The following RNASEH2B variants were observed in gnomAD, a reference collection of about 807,000 sequenced individuals.
The protein encoded by RNASEH2B is ribonuclease H2 subunit B.
A neutral mutation model predicts 45.0 loss-of-function variants in RNASEH2B; 36 were observed. The observed-to-expected ratio is 0.80, with a 90% CI of 0.61 to 1.06. RNASEH2B has a LOEUF of 1.06. Among genes scored for constraint, RNASEH2B ranks in the 50% least tolerant of loss-of-function variants. RNASEH2B has a pLI of 0.00. For synonymous variants in RNASEH2B, 119 were observed against 125.7 expected, an observed-to-expected ratio of 0.95 and a Z score of 0.35; for missense variants, 361 against 360.3, an observed-to-expected ratio of 1.00 and a Z score of -0.02.
downstream of RNASEH2B, chr13:50,960,050 G>A (rs1452257089): frequency 1.4e-5 from 6 of 434,462 alleles, no homozygotes; most frequent in African/African-American, 2.0e-5. Flanking sequence ...TTTCACTAAT[G>A]TTCGGTTCTT....
chr13:50,932,691 T>C (rs1254679366), intron 4 of RNASEH2B, among the ~76,000 whole-genome samples: 1 of 152,224 alleles, frequency 6.6e-6, no homozygotes, highest in Non-Finnish European at 1.5e-5. Flanking sequence ...TTTTAATTAA[T>C]AACTTTGAGT....
At chr13:50,963,814 A>G (rs1952137600) in intron 9 of RNASEH2B, among the ~76,000 whole-genome samples, 1 of 152,154 alleles carries the variant, frequency 6.6e-6, no homozygotes, top group Admixed American at 6.5e-5. Flanking sequence ...ACTTTCACCT[A>G]TCTTTCCACT....
intron 2 of RNASEH2B, 69 bp from the exon 3 acceptor site, chr13:50,929,404 CTT>C: frequency 1.1e-6 from 1 of 919,298 alleles, no homozygotes; most frequent in Non-Finnish European, 1.8e-6. Flanking sequence ...ACTGGATAGT[CTT>C]TTGGGGTGTG....
Position 50,910,120 on chromosome 13 carries a change from A to C in RNASEH2B, c.44A>C (p.Gln15Pro). 1 of 1,459,334 alleles carries C rather than the reference A, an allele frequency of 6.9e-7. No individual in the cohort carries two copies. Among genetic ancestry groups the C allele is most frequent in the Non-Finnish European group, 9.0e-7 (1 of 1,107,426 alleles). 90.4% of individuals were successfully genotyped at this position (1,459,334 alleles called of 1,614,324 possible). A position where few individuals can be genotyped will look rare whatever the true frequency, so the allele number is the denominator to read the frequency against. ...VDCGDGVGAR[Q>P]HVFLVSEYLK... ...TGCGGGGACGGGGTTGGCGCCCGGC[A>C]GCACGTGTTCCTGGTTTCAGGTAAA... Residue 15 changes from glutamine to proline, a missense_variant, in exon 1 of 11, where the codon CAG (glutamine) becomes CCG (proline). By Grantham distance (76) the Gln-to-Pro change is moderately conservative. Transcript: ENST00000336617.
At chr13:50,911,493 T>C (rs1188236745) in intron 1 of RNASEH2B, 7 of 152,246 alleles carry the variant, frequency 4.6e-5, no homozygotes, top group African/African-American at 1.7e-4. Flanking sequence ...TGGGCACTCA[T>C]ATCTCTAGGG....
rs546286876 is a variant in RNASEH2B, at chr13:50,917,742, G to T, written c.64+7602G>T. Among the ~76,000 whole-genome samples, 7 of 152,290 alleles carry T rather than the reference G, an allele frequency of 4.6e-5. No individual in the cohort carries two copies. The East Asian group carries it at 1.4e-3, about 29-fold the overall frequency. ...TGCATGTGCCAGAGGCCACTCTGCTGACTGAATAATGATGCCTCACCACTG... is the reference window on the plus strand; with the variant it reads ...TGCATGTGCCAGAGGCCACTCTGCTTACTGAATAATGATGCCTCACCACTG... On this transcript the variant is annotated intron_variant, in intron 1 of 10. Coordinates refer to ENST00000336617, the MANE Select transcript of RNASEH2B (RefSeq NM_024570.4).
chr13:50,965,206 A>G (rs1009878904), intron 9 of RNASEH2B, among the ~76,000 whole-genome samples: 1 of 152,258 alleles, frequency 6.6e-6, no homozygotes, highest in African/African-American at 2.4e-5. Flanking sequence ...TAGATATACA[A>G]GTACTTACTA....
intron 8 of RNASEH2B, 79 bp from the exon 9 acceptor site, chr13:50,949,384 A>G (rs1003036792): frequency 1.1e-5 from 14 of 1,258,606 alleles, no homozygotes; most frequent in Non-Finnish European, 1.6e-5. Context: ...GGACTTACTA[A>G]GTCTTAAGTT....
chr13:50,958,970 C>T (rs961799627), downstream of RNASEH2B, among the ~76,000 whole-genome samples: 1 of 152,074 alleles, frequency 6.6e-6, no homozygotes, highest in Admixed American at 6.6e-5. Flanking sequence ...AATGGTCTTG[C>T]ACTCTAACAA....
chr13:50,935,572 G>A, intron 5 of RNASEH2B: 1 of 157,026 alleles, frequency 6.4e-6, no homozygotes, highest in Non-Finnish European at 1.4e-5. Flanking sequence ...GTTGGGTGGG[G>A]AATGTAGGTG....
chr13:50,958,300 T>G (rs1952076237), downstream of RNASEH2B, among the ~76,000 whole-genome samples: 1 of 152,364 alleles, frequency 6.6e-6, no homozygotes, highest in South Asian at 2.1e-4. Context: ...GTTTTATTCC[T>G]CTGCATATGG....
chr13:50,927,134 A>G (rs1354819463), intron 1 of RNASEH2B: 1 of 390,112 alleles, frequency 2.6e-6, no homozygotes, highest in African/African-American at 2.1e-5. Flanking sequence ...AAGCTATCCA[A>G]GTGGCTAAGC....
At chr13:50,953,737 G>C (rs535290439) in intron 9 of RNASEH2B, 168 bp from the exon 10 acceptor site, 1 of 625,088 alleles carries the variant, frequency 1.6e-6, no homozygotes, top group Non-Finnish European at 2.8e-6. Flanking sequence ...CAATTCCCTA[G>C]ATGATTGGCA....
In RNASEH2B at chr13:50,956,432, C is replaced by A. The variant is rs886050291; in HGVS notation, c.897C>A (p.Thr299=). 3 of 1,599,870 alleles carry A rather than the reference C, an allele frequency of 1.9e-6. No individual in the cohort carries two copies. The highest frequency in any genetic ancestry group is 1.1e-5 in the South Asian group (1 of 89,824). ...VDKSGMKSID[T]FFGVKNKKKI... is the part of the protein sequence containing the mutation. ...AGAGTGGAATGAAAAGTATTGATACCTTTTTTGGGGTAAAAAATAAAAAAA... is the reference window on the plus strand; with the variant it reads ...AGAGTGGAATGAAAAGTATTGATACATTTTTTGGGGTAAAAAATAAAAAAA... The change falls in exon 11 of 11, where the codon ACC becomes ACA. Residue 299 remains threonine, a synonymous_variant. Transcript: ENST00000336617.
intron 9 of RNASEH2B, 42 bp from the exon 10 acceptor site, chr13:50,953,863 C>T (rs1375129705): frequency 2.3e-6 from 3 of 1,327,906 alleles, no homozygotes; most frequent in Middle Eastern, 1.8e-4. Context: ...GATGTTGTGT[C>T]AAAGTGACAT....
At chr13:50,950,821 TTC>T (rs1951967098) in intron 9 of RNASEH2B, 1 of 152,234 alleles carries the variant, frequency 6.6e-6, no homozygotes, top group African/African-American at 2.4e-5. Context: ...TGCTCCTGAT[TTC>T]TGTTTTCTTA....
intron 5 of RNASEH2B, chr13:50,941,131 T>C: frequency 6.6e-6 from 1 of 152,276 alleles, no homozygotes; most frequent in Non-Finnish European, 1.5e-5. Context: ...TAGTTTCTTA[T>C]GTTTTATTAA....
At chr13:50,953,354 A>G (rs2138018089) in intron 9 of RNASEH2B, 1 of 154,678 alleles carries the variant, frequency 6.5e-6, no homozygotes, top group Non-Finnish European at 1.4e-5. Flanking sequence ...AAAGTCCTCT[A>G]CTTGGTGACC....
chr13:50,969,878 AG>A (rs1952203597), intron 9 of RNASEH2B: 10 of 1,513,282 alleles, frequency 6.6e-6, no homozygotes. Flanking sequence ...TTGGGGTTTC[AG>A]GTGACTGTTT....
Sources: allele counts gnomAD v4.1 joint callset (sites outside exome capture counted in the v4.1 genomes callset), GRCh38; gene constraint gnomAD v4.1.1; transcripts MANE v1.5; gene names NCBI Gene and HGNC (gene_info 2026-07-23, HGNC 2026-07-21).